The following SASH1 variants were observed in gnomAD, a reference collection of about 807,000 sequenced individuals.
The protein encoded by SASH1 is SAM and SH3 domain-containing protein 1.
A neutral mutation model predicts 125.2 loss-of-function variants in SASH1; 44 were observed. The ratio of observed to expected loss-of-function variants is 0.35; its 90% confidence interval spans 0.28 to 0.45. The LOEUF (loss-of-function observed/expected upper bound fraction) is 0.45, where lower values mean the gene tolerates loss of function less well. Ranked by LOEUF, SASH1 falls within the 20% of genes least tolerant of loss-of-function variation. The pLI is 1.00. For missense variants in SASH1, 1,426 were observed against 1,614.5 expected, an observed-to-expected ratio of 0.88 and a Z score of 2.00; for synonymous variants, 639 against 649.1, an observed-to-expected ratio of 0.98 and a Z score of 0.24.
At chr6:148,287,153 G>C (rs1424532152) in intron 1 of SASH1, among the ~76,000 whole-genome samples, 1 of 152,122 alleles carries the variant, frequency 6.6e-6, no homozygotes, top group Non-Finnish European at 1.5e-5. Context: ...CCAGATGCTT[G>C]GGCAATACCC....
chr6:148,226,457 A>G, the SASH1 span, among the ~76,000 whole-genome samples: 4 of 152,164 alleles, frequency 2.6e-5, no homozygotes, highest in Non-Finnish European at 4.4e-5. Context: ...CTCATTATAT[A>G]TGTGCATTTG....
the SASH1 span, among the ~76,000 whole-genome samples, chr6:148,244,667 G>A: frequency 2.6e-5 from 4 of 152,128 alleles, no homozygotes; most frequent in Non-Finnish European, 5.9e-5. Context: ...TCCTGCTGTT[G>A]TTGTTGCTGC....
chr6:148,199,949 G>A, the SASH1 span, among the ~76,000 whole-genome samples: 1 of 152,088 alleles, frequency 6.6e-6, no homozygotes, highest in Admixed American at 6.6e-5. Flanking sequence ...ATCAACTGAG[G>A]GATATTGAAT....
chr6:148,443,960 A>G (rs928591693), intron 4 of SASH1, among the ~76,000 whole-genome samples: 1 of 152,192 alleles, frequency 6.6e-6, no homozygotes, highest in Non-Finnish European at 1.5e-5. Flanking sequence ...CTGCCAACCA[A>G]AATATCATTC....
chr6:148,269,692 C>A (rs1003754518), upstream of SASH1, among the ~76,000 whole-genome samples: 1 of 152,034 alleles, frequency 6.6e-6, no homozygotes, highest in Non-Finnish European at 1.5e-5. Context: ...TAATTACCTC[C>A]GTAAAGATCC....
the SASH1 span, among the ~76,000 whole-genome samples, chr6:148,229,199 A>C: frequency 6.6e-6 from 1 of 151,882 alleles, no homozygotes; most frequent in Admixed American, 6.6e-5. Context: ...TAACATGATA[A>C]AAATTTTAAA....
At position 148,540,598 on chromosome 6, in the gene SASH1, A is replaced by G. The variant is rs1287682100; in HGVS notation, c.2209+42A>G. On this transcript the variant is annotated intron_variant, in intron 17 of 19. Coordinates refer to ENST00000367467, the MANE Select transcript of SASH1 (RefSeq NM_015278.5). ...TCGCTGGGAACCTGCTTTGACAAGT[A>G]CTGATTTCAAAGCACAGTTTTCTGC... 3 of 1,431,090 alleles carry G rather than the reference A, an allele frequency of 2.1e-6. No homozygotes were observed. In the East Asian group the frequency reaches 7.0e-5, roughly 33 times the overall value. 88.6% of individuals were successfully genotyped at this position (1,431,090 alleles called of 1,614,324 possible).
chr6:148,254,847 C>A, the SASH1 span, among the ~76,000 whole-genome samples: 14 of 152,144 alleles, frequency 9.2e-5, no homozygotes, highest in African/African-American at 3.1e-4. Flanking sequence ...AGAAATTCTA[C>A]TTCTAGATAT....
chr6:148,530,378 G>A (rs1294386138), intron 12 of SASH1, among the ~76,000 whole-genome samples: 2 of 151,640 alleles, frequency 1.3e-5, no homozygotes, highest in Non-Finnish European at 2.9e-5. Context: ...ATTTTATGAC[G>A]CAGAAAGGAG....
chr6:148,539,923 T>G (rs1185627074), intron 16 of SASH1, among the ~76,000 whole-genome samples: 1 of 152,178 alleles, frequency 6.6e-6, no homozygotes, highest in South Asian at 2.1e-4. Context: ...AGAATGCTCC[T>G]AAATGCTAAT....
rs1273631062 is a variant in SASH1 at position 148,387,634 on chromosome 6, T to C, written c.157-2500T>C. 2.3e-3 allele frequency among the ~76,000 whole-genome samples: 115 copies of C among 49,788 alleles called. 8 individuals carry two copies. Among genetic ancestry groups the C allele is most frequent in the Middle Eastern group, 0.01 (1 of 98 alleles). 32.7% of individuals were successfully genotyped at this position (49,788 alleles called of 152,430 possible). A position where few individuals can be genotyped will look rare whatever the true frequency, so the allele number is the denominator to read the frequency against. Reference sequence around the variant, plus strand: ...TTTCTTTCTTTCTTTCTTTCTTTCTTTCTTTCTTTCTTTCTTTCTTTCTTT... The same window carrying C: ...TTTCTTTCTTTCTTTCTTTCTTTCTCTCTTTCTTTCTTTCTTTCTTTCTTT... On this transcript the variant is annotated intron_variant, in intron 1 of 19. Coordinates refer to ENST00000367467, the MANE Select transcript of SASH1 (RefSeq NM_015278.5).
chr6:148,493,779 A>T (rs536331476), intron 8 of SASH1, among the ~76,000 whole-genome samples: 1 of 152,216 alleles, frequency 6.6e-6, no homozygotes, highest in Non-Finnish European at 1.5e-5. Flanking sequence ...CCAGAGAAGA[A>T]TCTGTTTTGT....
intron 1 of SASH1, among the ~76,000 whole-genome samples, chr6:148,354,318 T>TA (rs1781845045): frequency 6.6e-6 from 1 of 152,228 alleles, no homozygotes; most frequent in Non-Finnish European, 1.5e-5. Context: ...TTAGTTTTTT[T>TA]ATGTGTCTAA....
At chr6:148,479,133 C>G (rs1332338768) in intron 7 of SASH1, 1 of 151,210 alleles carries the variant, frequency 6.6e-6, no homozygotes, top group African/African-American at 2.4e-5. Flanking sequence ...ACTGCAGCCT[C>G]CACCTCCTGG....
chr6:148,363,519 G>T (rs985135763), intron 1 of SASH1, among the ~76,000 whole-genome samples: 5 of 151,968 alleles, frequency 3.3e-5, no homozygotes, highest in Non-Finnish European at 7.4e-5. Context: ...CTCTGCCTCA[G>T]CCTCCTGAGT....
chr6:148,415,638 A>G (rs2114923546), intron 2 of SASH1, among the ~76,000 whole-genome samples: 1 of 152,342 alleles, frequency 6.6e-6, no homozygotes, highest in South Asian at 2.1e-4. Flanking sequence ...GTTTGAACAC[A>G]TGCTAGCACC....
upstream of SASH1, among the ~76,000 whole-genome samples, chr6:148,339,475 A>T (rs1781261523): frequency 6.6e-6 from 1 of 151,968 alleles, no homozygotes; most frequent in Non-Finnish European, 1.5e-5. Context: ...TATAAGTGCC[A>T]AAATGCTGGC....
intron 5 of SASH1, among the ~76,000 whole-genome samples, chr6:148,470,760 T>G (rs1778065633): frequency 6.6e-6 from 1 of 152,084 alleles, no homozygotes; most frequent in Non-Finnish European, 1.5e-5. Flanking sequence ...TTGCTTGTCT[T>G]TGTGCCCTGG....
chr6:148,227,437 A>C, the SASH1 span, among the ~76,000 whole-genome samples: 18 of 152,274 alleles, frequency 1.2e-4, no homozygotes, highest in East Asian at 1.5e-3. Flanking sequence ...AGCTCACTGC[A>C]ACCTCCGCCT....
Sources: allele counts gnomAD v4.1 joint callset (sites outside exome capture counted in the v4.1 genomes callset), GRCh38; gene constraint gnomAD v4.1.1; transcripts MANE v1.5; gene names NCBI Gene and HGNC (gene_info 2026-07-23, HGNC 2026-07-21).